COL22A1: variants seen among roughly 807,000 people sequenced by gnomAD.
COL22A1 encodes collagen alpha-1(XXII) chain.
Under a neutral mutation model 248.9 loss-of-function variants are expected in COL22A1, and 221 were observed. The observed-to-expected ratio is 0.89, with a 90% confidence interval of 0.80 to 0.99. The LOEUF (loss-of-function observed/expected upper bound fraction) is 0.99, where lower values mean the gene tolerates loss of function less well. Ranked by LOEUF, COL22A1 falls within the 50% of genes least tolerant of loss-of-function variation. The pLI is 0.00. For synonymous variants in COL22A1, 891 were observed against 793.4 expected (o/e 1.12, Z -2.07); for missense variants, 2,240 against 2,179.0 (o/e 1.03, Z -0.56).
chr8:138,807,650 C>T (rs1817839922), intron 10 of COL22A1, 118 bp downstream of exon 10: 4 of 965,294 alleles, frequency 4.1e-6, no homozygotes, highest in African/African-American at 1.7e-5. Flanking sequence ...ATTTAACAAG[C>T]TCTGAGGCAA....
At chr8:138,804,318 A>G (rs1455057715) in intron 10 of COL22A1, among the ~76,000 whole-genome samples, 1 of 152,152 alleles carries the variant, frequency 6.6e-6, no homozygotes, top group African/African-American at 2.4e-5. Context: ...TAGGACCACG[A>G]TTGCAAGTGA....
intron 50 of COL22A1, 44 bp downstream of exon 50, chr8:138,630,651 C>G: frequency 6.3e-7 from 1 of 1,578,478 alleles, no homozygotes; most frequent in Admixed American, 1.7e-5. Flanking sequence ...TCCAGAAAGG[C>G]TAAAGACAGA....
intron 16 of COL22A1, among the ~76,000 whole-genome samples, chr8:138,775,572 G>A (rs1358786386): frequency 6.6e-6 from 1 of 152,148 alleles, no homozygotes; most frequent in Non-Finnish European, 1.5e-5. Context: ...GAGAGCCAGG[G>A]TAACTGAGGA....
chr8:138,755,026 C>A, intron 21 of COL22A1, 131 bp downstream of exon 21: 1 of 895,576 alleles, frequency 1.1e-6, no homozygotes, highest in East Asian at 2.4e-5. Context: ...CACAACAGCA[C>A]AACCCACTCA....
At chr8:138,720,092 T>A (rs1829755501) in intron 27 of COL22A1, among the ~76,000 whole-genome samples, 1 of 152,006 alleles carries the variant, frequency 6.6e-6, no homozygotes, top group South Asian at 2.1e-4. Context: ...AGCATGACCA[T>A]CAACACAGGG....
At chr8:138,629,902 T>C (rs989493013) in intron 50 of COL22A1, among the ~76,000 whole-genome samples, 1 of 152,196 alleles carries the variant, frequency 6.6e-6, no homozygotes, top group Non-Finnish European at 1.5e-5. Context: ...ATTCCCTCAC[T>C]GTGTGACCCT....
intron 18 of COL22A1, among the ~76,000 whole-genome samples, chr8:138,757,888 C>A (rs1286061954): frequency 6.6e-6 from 1 of 152,244 alleles, no homozygotes; most frequent in Non-Finnish European, 1.5e-5. Context: ...GTCTCCACGA[C>A]GGTCCCCCGT....
At chr8:138,626,927 A>G (rs1820294567) in intron 50 of COL22A1, among the ~76,000 whole-genome samples, 1 of 152,204 alleles carries the variant, frequency 6.6e-6, no homozygotes, top group Non-Finnish European at 1.5e-5. Context: ...CATGGTGAGT[A>G]TTATCATATC....
intron 16 of COL22A1, among the ~76,000 whole-genome samples, chr8:138,770,791 G>A (rs67557825): frequency 0.011 from 1,646 of 152,286 alleles, 12 homozygotes; most frequent in Non-Finnish European, 0.017. Flanking sequence ...TCTTTTGTGA[G>A]TCACCAGCAC....
chr8:138,730,751 G>A, intron 23 of COL22A1, among the ~76,000 whole-genome samples: 1 of 152,220 alleles, frequency 6.6e-6, no homozygotes, highest in Admixed American at 6.5e-5. Context: ...AGGCATGGTA[G>A]AGAAATCAGG....
chr8:138,614,264 G>A (rs374417811), intron 55 of COL22A1, among the ~76,000 whole-genome samples: 9 of 152,148 alleles, frequency 5.9e-5, no homozygotes, highest in Non-Finnish European at 1.3e-4. Flanking sequence ...TTCGCTAGAC[G>A]GTGACCTGGA....
chr8:138,636,996 G>A (rs1326234854), intron 47 of COL22A1, among the ~76,000 whole-genome samples: 2 of 152,106 alleles, frequency 1.3e-5, no homozygotes, highest in African/African-American at 4.8e-5. Flanking sequence ...GCTTAACTGG[G>A]ATTTGGGGTA....
intron 3 of COL22A1, among the ~76,000 whole-genome samples, chr8:138,862,749 A>C (rs1354172784): frequency 7.8e-6 from 1 of 128,256 alleles, no homozygotes; most frequent in Non-Finnish European, 1.6e-5. Flanking sequence ...GTTTGCAGCA[A>C]AGATACAAGG....
chr8:138,694,680 C>T (rs559080657), intron 33 of COL22A1, 119 bp from the exon 34 acceptor site: 109 of 1,359,826 alleles, frequency 8.0e-5, no homozygotes, highest in Middle Eastern at 3.7e-4. Context: ...ACGTAGCTAG[C>T]GTCCTGAGGA....
chr8:138,779,333 A>G (rs1348621247), intron 14 of COL22A1, among the ~76,000 whole-genome samples, 176 bp downstream of exon 14: 1 of 152,220 alleles, frequency 6.6e-6, no homozygotes, highest in Non-Finnish European at 1.5e-5. Context: ...GTATGATATA[A>G]ATACATTTTT....
chr8:138,803,971 G>T (rs1197671547), intron 10 of COL22A1, among the ~76,000 whole-genome samples: 1 of 152,144 alleles, frequency 6.6e-6, no homozygotes, highest in African/African-American at 2.4e-5. Flanking sequence ...GCTGGTCAGG[G>T]CTGTCAGCAG....
At chr8:138,810,517 C>T (rs1282408079) in intron 9 of COL22A1, among the ~76,000 whole-genome samples, 1 of 152,168 alleles carries the variant, frequency 6.6e-6, no homozygotes, top group Non-Finnish European at 1.5e-5. Flanking sequence ...CTGCCTCCGC[C>T]CCATCTCATC....
intron 16 of COL22A1, among the ~76,000 whole-genome samples, chr8:138,763,877 A>T (rs1158329330): frequency 6.6e-6 from 1 of 151,856 alleles, no homozygotes; most frequent in Admixed American, 6.6e-5. Context: ...TTCAATTTTC[A>T]TCTATTATCC....
At chr8:138,693,072 G>C (rs1400651148) in intron 35 of COL22A1, among the ~76,000 whole-genome samples, 1 of 152,150 alleles carries the variant, frequency 6.6e-6, no homozygotes, top group Non-Finnish European at 1.5e-5. Context: ...AGTCCAGCCT[G>C]AGCTCTCTGG....
Sources: gnomAD v4.1 joint callset for allele counts (sites outside exome capture counted in the v4.1 genomes callset) on GRCh38, gnomAD v4.1.1 for gene constraint, MANE v1.5 for transcripts, NCBI Gene and HGNC (gene_info 2026-07-23, HGNC 2026-07-21) for gene names.